The following GALNT13 variants were observed in gnomAD, a reference collection of about 807,000 sequenced individuals.
The protein encoded by GALNT13 is polypeptide N-acetylgalactosaminyltransferase 13, also known as UDP-GalNAc:polypeptide N-acetylgalactosaminyltransferase 13.
GALNT13 carries 28 observed loss-of-function variants against 64.2 expected under a neutral mutation model. The ratio of observed to expected loss-of-function variants is 0.44; its 90% CI spans 0.32 to 0.60. GALNT13 has a LOEUF of 0.60. Ranked by LOEUF, GALNT13 falls within the 20% of genes least tolerant of loss-of-function variation. The pLI is 0.05. For synonymous variants in GALNT13, 214 were observed against 224.6 expected (o/e 0.95, Z 0.42); for missense variants, 577 against 669.8 (o/e 0.86, Z 1.53).
At chr2:153,642,496 T>C in the GALNT13 span, among the ~76,000 whole-genome samples, 1 of 151,858 alleles carries the variant, frequency 6.6e-6, no homozygotes, top group Non-Finnish European at 1.5e-5. Context: ...TTACTCCATA[T>C]TGAAGAAAGG....
intron 2 of GALNT13, among the ~76,000 whole-genome samples, chr2:153,931,147 T>A (rs1309252798): frequency 1.3e-5 from 2 of 150,150 alleles, no homozygotes; most frequent in African/African-American, 4.9e-5. Flanking sequence ...ATCTCAGCTC[T>A]GACATTATTG....
intron 9 of GALNT13, among the ~76,000 whole-genome samples, chr2:154,341,095 A>G (rs922857019): frequency 1.3e-5 from 2 of 152,188 alleles, no homozygotes; most frequent in African/African-American, 4.8e-5. Context: ...ATCAAGGGCT[A>G]GAACTCAACA....
At chr2:153,559,526 T>C in the GALNT13 span, among the ~76,000 whole-genome samples, 2 of 152,170 alleles carry the variant, frequency 1.3e-5, no homozygotes, top group Admixed American at 6.5e-5. Context: ...GATATCCAGT[T>C]CTTTGATAAG....
At chr2:153,635,443 C>CATATATATGTATATATATAT in the GALNT13 span, among the ~76,000 whole-genome samples, 78 of 144,438 alleles carry the variant, frequency 5.4e-4, 6 homozygotes, top group South Asian at 8.7e-4. Flanking sequence ...TATATATACA[C>CATATATATGTATATATATAT]ACATATATAT....
intron 9 of GALNT13, among the ~76,000 whole-genome samples, chr2:154,386,295 A>G (rs759653677): frequency 1.7e-4 from 26 of 152,060 alleles, no homozygotes; most frequent in Non-Finnish European, 3.5e-4. Flanking sequence ...GTGTGGGAAA[A>G]CAGAATAAGG....
At chr2:154,298,955 G>A (rs940336898) in intron 8 of GALNT13, among the ~76,000 whole-genome samples, 2 of 131,746 alleles carry the variant, frequency 1.5e-5, no homozygotes, top group Non-Finnish European at 3.3e-5. Context: ...CTAAGAACAT[G>A]TATCGCTAAT....
intron 9 of GALNT13, among the ~76,000 whole-genome samples, chr2:154,394,077 CAAAAAAA>C (rs369267777): frequency 3.5e-3 from 112 of 32,004 alleles, no homozygotes; most frequent in African/African-American, 0.015. Context: ...GACTCCGTCT[CAAAAAAA>C]AAAAAAAAAA....
At chr2:153,676,914 C>T in the GALNT13 span, among the ~76,000 whole-genome samples, 1 of 152,042 alleles carries the variant, frequency 6.6e-6, no homozygotes, top group Non-Finnish European at 1.5e-5. Context: ...AAAAACACAG[C>T]TATAATCATA....
At chr2:154,028,290 A>G (rs1457692483) in intron 3 of GALNT13, among the ~76,000 whole-genome samples, 1 of 152,124 alleles carries the variant, frequency 6.6e-6, no homozygotes, top group Non-Finnish European at 1.5e-5. Flanking sequence ...AAGAAAATAA[A>G]TTTGGTTATC....
At chr2:154,116,566 G>A (rs1346592287) in intron 3 of GALNT13, among the ~76,000 whole-genome samples, 4 of 152,108 alleles carry the variant, frequency 2.6e-5, no homozygotes, top group Non-Finnish European at 5.9e-5. Flanking sequence ...CAGCTTCATT[G>A]TTTTTTGGTT....
At chr2:154,394,925 T>C (rs1698986872) in intron 9 of GALNT13, among the ~76,000 whole-genome samples, 1 of 152,196 alleles carries the variant, frequency 6.6e-6, no homozygotes, top group Non-Finnish European at 1.5e-5. Flanking sequence ...AGGTCGGAGC[T>C]AGTGAATGAT....
the GALNT13 span, among the ~76,000 whole-genome samples, chr2:153,246,555 A>G: frequency 6.6e-6 from 1 of 152,238 alleles, no homozygotes; most frequent in Admixed American, 6.5e-5. Context: ...ACTAAGCTTC[A>G]TAAGTGAAGG....
the GALNT13 span, among the ~76,000 whole-genome samples, chr2:153,662,047 C>T: frequency 1.3e-5 from 2 of 152,122 alleles, no homozygotes; most frequent in Non-Finnish European, 2.9e-5. Flanking sequence ...CCCTTTGGGT[C>T]TGTGGCATTC....
chr2:153,533,730 T>TTTTTTTTTC, the GALNT13 span, among the ~76,000 whole-genome samples: 3 of 105,236 alleles, frequency 2.9e-5, 1 homozygote, highest in Non-Finnish European at 6.2e-5. Context: ...TTTCTTTTTT[T>TTTTTTTTTC]TTTTTTTTTT....
At chr2:154,340,296 C>T (rs977204882) in intron 9 of GALNT13, among the ~76,000 whole-genome samples, 1 of 152,068 alleles carries the variant, frequency 6.6e-6, no homozygotes, top group Non-Finnish European at 1.5e-5. Context: ...CACTATGTTA[C>T]GCAGAGGGCC....
chr2:153,103,663 C>T, the GALNT13 span, among the ~76,000 whole-genome samples: 2 of 152,194 alleles, frequency 1.3e-5, no homozygotes, highest in African/African-American at 4.8e-5. Flanking sequence ...CTTTTTAGCA[C>T]TTTTCAGTAT....
the GALNT13 span, among the ~76,000 whole-genome samples, chr2:153,846,147 A>C: frequency 6.6e-6 from 1 of 152,190 alleles, no homozygotes; most frequent in Admixed American, 6.5e-5. Flanking sequence ...TGAAAACATA[A>C]GAATACAAAA....
At chr2:154,157,835 A>C (rs1450828768) in intron 4 of GALNT13, among the ~76,000 whole-genome samples, 1 of 152,164 alleles carries the variant, frequency 6.6e-6, no homozygotes, top group East Asian at 1.9e-4. Context: ...TTGCCAGCAT[A>C]ATTTGACATG....
intron 10 of GALNT13, among the ~76,000 whole-genome samples, chr2:154,398,142 CT>C (rs1307882895): frequency 6.6e-6 from 1 of 152,168 alleles, no homozygotes; most frequent in African/African-American, 2.4e-5. Flanking sequence ...ATTCATGAAC[CT>C]GACTATATCC....
Sources: allele counts gnomAD v4.1 joint callset (sites outside exome capture counted in the v4.1 genomes callset), GRCh38; gene constraint gnomAD v4.1.1; transcripts MANE v1.5; gene names NCBI Gene and HGNC (gene_info 2026-07-23, HGNC 2026-07-21).